The following DNAH12 variants were observed in gnomAD, a reference collection of about 807,000 sequenced individuals.
DNAH12 encodes axonemal beta dynein heavy chain 12.
In DNAH12, 285 loss-of-function variants were observed where a neutral mutation model predicts 371.5. That is an observed-to-expected ratio of 0.77 (90% CI 0.70 to 0.85). DNAH12 has a LOEUF of 0.85. DNAH12 is among the 40% of genes least tolerant of loss of function. The pLI, the probability that DNAH12 is intolerant of heterozygous loss-of-function variation, is 0.00. For missense variants in DNAH12, 3,611 were observed against 3,689.4 expected, an observed-to-expected ratio of 0.98 and a Z score of 0.55; for synonymous variants, 1,200 against 1,213.0, an observed-to-expected ratio of 0.99 and a Z score of 0.22.
chr3:57,389,839 T>TATAAAA (rs1326237791), intron 45 of DNAH12, among the ~76,000 whole-genome samples: 4 of 84,902 alleles, frequency 4.7e-5, no homozygotes, highest in Admixed American at 1.3e-4. Flanking sequence ...TATATATATA[T>TATAAAA]AATACTTTTT....
At chr3:57,483,267 C>A in intron 13 of DNAH12, 109 bp downstream of exon 13, 1 of 1,345,372 alleles carries the variant, frequency 7.4e-7, no homozygotes, top group Admixed American at 2.6e-5. Context: ...GGCAATATAA[C>A]CGCTCAATTT....
chr3:57,526,549 A>C (rs1011672335), intron 2 of DNAH12, among the ~76,000 whole-genome samples: 3 of 92,878 alleles, frequency 3.2e-5, no homozygotes, highest in African/African-American at 1.2e-4. Flanking sequence ...TTTTTTTTTG[A>C]GACAGAGTCT....
In DNAH12 at chr3:57,405,121, GA is replaced by G; in HGVS notation, c.6602del (p.Leu2201ProfsTer7). On this transcript the variant is annotated frameshift_variant, in exon 42 of 74. Coordinates refer to ENST00000495027, the MANE Select transcript of DNAH12 (RefSeq NM_001366028.2). LOFTEE classifies it high-confidence loss of function. ...APVTEEDLRNLMFGDYMNPDL... is the reference protein window; with the variant it reads ...APVTEEDLRNXMFGDYMNPDL... ...CAGGATTCATATAATCACCAAACAT[GA>G]GATTTCTTAAGTCTTCTTCAGTTAC... 1.3e-6 allele frequency: 2 copies of G among 1,536,604 alleles called. No homozygotes were observed. Among genetic ancestry groups the G allele is most frequent in the Non-Finnish European group, 1.8e-6 (2 of 1,142,814 alleles).
At chr3:57,522,482 T>C (rs2068486952) in intron 4 of DNAH12, among the ~76,000 whole-genome samples, 2 of 152,168 alleles carry the variant, frequency 1.3e-5, no homozygotes, top group African/African-American at 4.8e-5. Context: ...TCAGTAATTA[T>C]ACCTAGTAAA....
intron 49 of DNAH12, among the ~76,000 whole-genome samples, chr3:57,383,981 T>C (rs977571518): frequency 3.9e-5 from 6 of 152,100 alleles, no homozygotes; most frequent in Non-Finnish European, 8.8e-5. Flanking sequence ...TTTACAGTCT[T>C]GTCAGGCCTG....
intron 40 of DNAH12, among the ~76,000 whole-genome samples, chr3:57,406,875 T>C (rs1324193931): frequency 6.6e-6 from 1 of 152,160 alleles, no homozygotes; most frequent in Admixed American, 6.6e-5. Flanking sequence ...CCTTTTATAA[T>C]ATAGTCAAAA....
At chr3:57,447,606 TTTTAC>T (rs1461397746) in intron 25 of DNAH12, among the ~76,000 whole-genome samples, 48 of 152,142 alleles carry the variant, frequency 3.2e-4, no homozygotes, top group Non-Finnish European at 5.0e-4. Context: ...TTTACTTTAT[TTTTAC>T]TTTATTTTAA....
intron 62 of DNAH12, among the ~76,000 whole-genome samples, chr3:57,332,055 T>C (rs1207850893): frequency 6.6e-6 from 1 of 152,232 alleles, no homozygotes; most frequent in Non-Finnish European, 1.5e-5. Context: ...CTGTCTCTGC[T>C]GTATTTCGAA....
chr3:57,322,354 C>A lies in DNAH12; in HGVS notation c.10513G>T (p.Gly3505Ter). The part of the protein sequence containing the change: ...SDPEFFKGCR[G>*]KELAWEKLLF... ...AAGATGAATATTACCAGTTCCTTTC[C>A]ACGGCATCCCTTGAAAAACTCAGGA... The change falls in exon 65 of 74, where the codon GGA becomes TGA. Residue 3505 changes from glycine to a stop codon, truncating the protein, a stop_gained. Transcript: ENST00000495027. LOFTEE classifies it high-confidence loss of function. 1 of 1,550,274 alleles carries A rather than the reference C, an allele frequency of 6.5e-7. No individual in the cohort carries two copies. The highest frequency in any genetic ancestry group is 2.4e-5 in the East Asian group (1 of 40,884).
intron 14 of DNAH12, 128 bp from the exon 15 acceptor site, chr3:57,471,734 T>C (rs981707841): frequency 8.2e-6 from 6 of 731,628 alleles, no homozygotes; most frequent in Admixed American, 8.2e-5. Flanking sequence ...AATAAAACAA[T>C]GCCTATAATT....
In DNAH12 at chr3:57,436,978, G is replaced by A; in HGVS notation, c.4628C>T (p.Thr1543Ile). Residue 1543 changes from threonine (T) to isoleucine (I), a missense_variant, in exon 30 of 74, where the codon ACA becomes ATA. Coordinates refer to ENST00000495027, the MANE Select transcript of DNAH12 (RefSeq NM_001366028.2). The stretch of plus-strand genomic sequence containing the variant: ...ATGTCTAACAATCATCATTTCATAT[G>A]TTTGAATTATTTTTTCAAGAAAAAA... ...VKFFLEKIIQ[T>I]YEMMIVRHGF... is the part of the protein sequence containing the mutation. The A allele has an allele frequency of 6.6e-7, 1 of 1,509,564 alleles. No individual in the cohort carries two copies. The highest frequency in any genetic ancestry group is 8.8e-7 in the Non-Finnish European group (1 of 1,131,982). 93.5% of individuals were successfully genotyped at this position (1,509,564 alleles called of 1,614,324 possible).
chr3:57,324,318 C>T (rs998970851), intron 62 of DNAH12, among the ~76,000 whole-genome samples: 1 of 152,072 alleles, frequency 6.6e-6, no homozygotes, highest in Non-Finnish European at 1.5e-5. Context: ...CGCTAATACT[C>T]ATAATAAGAA....
At chr3:57,374,808 G>T (rs1433932219) in intron 55 of DNAH12, among the ~76,000 whole-genome samples, 1 of 152,034 alleles carries the variant, frequency 6.6e-6, no homozygotes, top group Non-Finnish European at 1.5e-5. Flanking sequence ...TATACATTAT[G>T]ATTCCTTTAT....
chr3:57,448,402 G>A (rs1054367600), intron 25 of DNAH12, among the ~76,000 whole-genome samples: 2 of 151,984 alleles, frequency 1.3e-5, no homozygotes, highest in African/African-American at 4.8e-5. Flanking sequence ...AGAAGCTGCA[G>A]ACCTTCGCCC....
At chr3:57,440,112 G>A (rs1575602603) in intron 29 of DNAH12, among the ~76,000 whole-genome samples, 1 of 152,200 alleles carries the variant, frequency 6.6e-6, no homozygotes, top group Non-Finnish European at 1.5e-5. Flanking sequence ...GTGGAAAGCA[G>A]TTTAGAGATT....
chr3:57,316,836 G>C lies in DNAH12; in HGVS notation c.10525-2205C>G, dbSNP rs368369183. On this transcript the variant is annotated intron_variant, in intron 65 of 73. Coordinates refer to ENST00000495027, the MANE Select transcript of DNAH12 (RefSeq NM_001366028.2). ...TTCCCCCTCACCTTCCACCATGATT[G>C]TAAGTTTCCCGAGGCTTCCCCAGCC... Among the ~76,000 whole-genome samples the C allele has an allele frequency of 2.0e-4, 31 of 152,266 alleles. No homozygotes were observed. The East Asian group carries it at 4.4e-3, about 22-fold the overall frequency.
chr3:57,489,586 G>T lies in DNAH12; in HGVS notation c.1437C>A (p.Gly479=). The T allele has an allele frequency of 6.5e-7, 1 of 1,538,766 alleles. No individual in the cohort carries two copies. Among genetic ancestry groups the T allele is most frequent in the South Asian group, 1.2e-5 (1 of 81,232 alleles). ...CAAAGGCTTTTGCTTTATTTGTCAGGCCTGTCTTCAAATCTTCACAATCCA... is the reference window on the plus strand; with the variant it reads ...CAAAGGCTTTTGCTTTATTTGTCAGTCCTGTCTTCAAATCTTCACAATCCA... ...VRLDCEDLKT[G]LTNKAKAFAN... is the part of the protein sequence containing the mutation. Residue 479 remains glycine, a synonymous_variant, in exon 12 of 74, where the codon GGC becomes GGA. Transcript: ENST00000495027.
At position 57,508,409 on chromosome 3, in the gene DNAH12, G is replaced by A. The variant is rs751079167; in HGVS notation, c.674C>T (p.Thr225Ile). Residue 225 changes from threonine (T) to isoleucine (I), a missense_variant, in exon 7 of 74, where the codon ACA (threonine) becomes ATA (isoleucine). Physicochemically the swap from Thr to Ile is moderately conservative, Grantham distance 89. This residue lies in a region of DNAH12 where 1,314 missense variants were observed against 1,398.7 expected (regional missense o/e 0.94). Transcript: ENST00000495027. The stretch of plus-strand genomic sequence containing the variant: ...AATTCCTGTGAAGTCCAACAAAACT[G>A]TATCAGCAAATGTTGTATAACCAAG... The part of the protein sequence containing the change: ...LDLGYTTFAD[T>I]VLLDFTGIRA... The A allele has an allele frequency of 6.2e-7, 1 of 1,606,784 alleles. No homozygotes were observed. Among genetic ancestry groups the A allele is most frequent in the Non-Finnish European group, 8.5e-7 (1 of 1,178,254 alleles).
chr3:57,497,159 G>A (rs1399487068), intron 11 of DNAH12, among the ~76,000 whole-genome samples: 1 of 152,114 alleles, frequency 6.6e-6, no homozygotes, highest in Admixed American at 6.6e-5. Flanking sequence ...TTTCAAGATG[G>A]CAGTTCTTTC....
Sources: gnomAD v4.1 joint callset for allele counts (sites outside exome capture counted in the v4.1 genomes callset) on GRCh38, gnomAD v4.1.1 for gene constraint, gnomAD v4.1.1 regional missense constraint, MANE v1.5 for transcripts, NCBI Gene and HGNC (gene_info 2026-07-23, HGNC 2026-07-21) for gene names.